P2RX4: variants seen among roughly 807,000 people sequenced by gnomAD.
P2RX4 encodes the protein purinergic receptor P2X 4.
P2RX4 carries 37 observed loss-of-function variants against 48.0 expected under a neutral mutation model. The ratio of observed to expected loss-of-function variants is 0.77; its 90% CI spans 0.59 to 1.01. The LOEUF (loss-of-function observed/expected upper bound fraction) is 1.01, where lower values mean the gene tolerates loss of function less well. P2RX4 is among the 50% of genes least tolerant of loss of function. The probability of loss-of-function intolerance (pLI) is 0.00; values close to 1 mark genes in which losing one functional copy is unlikely to be tolerated. For synonymous variants in P2RX4, 200 were observed against 199.7 expected (o/e 1.00, Z -0.01); for missense variants, 501 against 521.4 (o/e 0.96, Z 0.38).
intron 2 of P2RX4, 128 bp from the exon 3 acceptor site, chr12:121,221,785 C>T: frequency 1.3e-6 from 1 of 752,504 alleles, no homozygotes; most frequent in Non-Finnish European, 2.4e-6. Context: ...GGGTTATAAA[C>T]TTTGATGGGA....
At chr12:121,218,186 C>A (rs1359007479) in intron 2 of P2RX4, among the ~76,000 whole-genome samples, 5 of 152,060 alleles carry the variant, frequency 3.3e-5, no homozygotes, top group African/African-American at 1.2e-4. Context: ...AGCTAATGAG[C>A]CATAAAAGTC....
intron 2 of P2RX4, among the ~76,000 whole-genome samples, chr12:121,220,439 C>A (rs1374164268): frequency 6.6e-6 from 1 of 152,038 alleles, no homozygotes. Context: ...AGTTGGAGAC[C>A]AGCCTAGCCA....
At chr12:121,223,831 T>A (rs182203675) in intron 5 of P2RX4, among the ~76,000 whole-genome samples, 2 of 152,190 alleles carry the variant, frequency 1.3e-5, no homozygotes. Flanking sequence ...TGAGCTGAGA[T>A]GGTGCCACTG....
rs1437174275 is a variant in P2RX4 at position 121,222,107 on chromosome 12, C to T, written c.368C>T (p.Thr123Ile). 2 of 1,613,624 alleles carry T rather than the reference C, an allele frequency of 1.2e-6. No homozygotes were observed. Among genetic ancestry groups the T allele is most frequent in the Non-Finnish European group, 1.7e-6 (2 of 1,179,606 alleles). ...TTCTTTTTCCAGATTCCAGATGCGACCACTGTGTGTAAATCAGATGCCAGC... is the reference window on the plus strand; with the variant it reads ...TTCTTTTTCCAGATTCCAGATGCGATCACTGTGTGTAAATCAGATGCCAGC... The part of the protein sequence containing the change: ...QGLCPEIPDA[T>I]TVCKSDASCT... The change falls in exon 4 of 12, where the codon ACC (threonine) becomes ATC (isoleucine). Residue 123 changes from threonine to isoleucine, a missense_variant. By Grantham distance (89) the Thr-to-Ile change is moderately conservative (BLOSUM62 -1). Transcript: ENST00000337233.
chr12:121,230,842 G>A (rs1298531967), intron 8 of P2RX4, among the ~76,000 whole-genome samples: 1 of 151,896 alleles, frequency 6.6e-6, no homozygotes, highest in East Asian at 1.9e-4. Flanking sequence ...ATGTCTTGAC[G>A]GTTCTTCACC....
In P2RX4 at chr12:121,232,536, T is replaced by TCACTCCCTGCAGGGACAAGGGGC. The variant is rs1339905975; in HGVS notation, c.978+31_979-51dup. On this transcript the variant is annotated intron_variant, in intron 9 of 11. Coordinates refer to ENST00000337233, the MANE Select transcript of P2RX4 (RefSeq NM_002560.3). This position sits in a 1 kb window ranked among gnomAD's most constrained non-coding sequence, Gnocchi z 4.3. ...GCTCGCCGCCACTGGCTCCCCTCCG[T>TCACTCCCTGCAGGGACAAGGGGC]CACTCCCTGCAGGGACAAGGGGCCT... 1 of 1,606,470 alleles carries TCACTCCCTGCAGGGACAAGGGGC rather than the reference T, an allele frequency of 6.2e-7. No homozygotes were observed. The highest frequency in any genetic ancestry group is 8.5e-7 in the Non-Finnish European group (1 of 1,173,152).
chr12:121,230,114 C>T (rs1296634012), intron 8 of P2RX4, among the ~76,000 whole-genome samples: 1 of 152,170 alleles, frequency 6.6e-6, no homozygotes, highest in African/African-American at 2.4e-5. Flanking sequence ...AAAAAGGAAG[C>T]GCTCCAGGCC....
chr12:121,217,042 G>A (rs758079624), intron 1 of P2RX4, 92 bp from the exon 2 acceptor site: 4 of 1,267,754 alleles, frequency 3.2e-6, no homozygotes, highest in South Asian at 1.2e-5. Flanking sequence ...AGTCAACATC[G>A]TACTTCCAGC....
intron 5 of P2RX4, among the ~76,000 whole-genome samples, chr12:121,224,749 G>A (rs1349352958): frequency 6.6e-6 from 1 of 152,120 alleles, no homozygotes; most frequent in African/African-American, 2.4e-5. Flanking sequence ...TCTGAGAAGT[G>A]CGTGCAGCCT....
intron 1 of P2RX4, among the ~76,000 whole-genome samples, chr12:121,212,649 C>G (rs115141838): frequency 0.024 from 3,637 of 149,722 alleles, 149 homozygotes; most frequent in African/African-American, 0.084. Context: ...ATTAGCCAGG[C>G]CTAGTGGCTA....
At chr12:121,218,415 C>T (rs764540137) in intron 2 of P2RX4, among the ~76,000 whole-genome samples, 6 of 151,758 alleles carry the variant, frequency 4.0e-5, no homozygotes, top group Non-Finnish European at 5.9e-5. Flanking sequence ...ACCTGGGAGG[C>T]GGAGGTTGTA....
intron 5 of P2RX4, among the ~76,000 whole-genome samples, chr12:121,226,694 G>T (rs372045586): frequency 4.7e-4 from 72 of 152,290 alleles, no homozygotes; most frequent in African/African-American, 1.6e-3. Context: ...AAAAAGGTGA[G>T]TTGATCTTAA....
rs1885735859 is a variant in P2RX4 at position 121,210,316 on chromosome 12, C to CG, written c.134+24dup. ...GTCATCGGGTGAGCGTGGGGCCGCG[C>CG]GGGGGGCGCGGCGGGTGCTGCCCTC... On this transcript the variant is annotated intron_variant, in intron 1 of 11. Transcript: ENST00000337233. The CG allele has an allele frequency of 8.0e-6, 12 of 1,499,108 alleles. No homozygotes were observed. Among genetic ancestry groups the CG allele is most frequent in the Middle Eastern group, 2.4e-4 (1 of 4,178 alleles). The allele number at this position is 1,499,108 out of a possible 1,614,324, so 92.9% of individuals were successfully genotyped here.
At chr12:121,215,202 G>A (rs974548745) in intron 1 of P2RX4, 3 of 152,138 alleles carry the variant, frequency 2.0e-5, no homozygotes, top group Admixed American at 2.0e-4. Context: ...TACTTGCTCT[G>A]TGACCAACGA....
intron 2 of P2RX4, among the ~76,000 whole-genome samples, chr12:121,221,156 C>CTGTGTGTGTTTGTGTG (rs1491047339): frequency 3.6e-5 from 4 of 112,336 alleles, no homozygotes; most frequent in Admixed American, 2.5e-4. Flanking sequence ...GTGCGTGTGT[C>CTGTGTGTGTTTGTGTG]TGTGTGTGTT....
intron 8 of P2RX4, among the ~76,000 whole-genome samples, chr12:121,231,599 G>A (rs1010306295): frequency 2.0e-5 from 3 of 152,098 alleles, no homozygotes; most frequent in South Asian, 4.1e-4. Context: ...CATCCATGTC[G>A]TAGCCTGTGT....
intron 5 of P2RX4, among the ~76,000 whole-genome samples, chr12:121,225,072 ATT>A (rs34333143): frequency 1.3e-4 from 17 of 133,724 alleles, no homozygotes; most frequent in African/African-American, 1.9e-4. Context: ...ATCAAATTGG[ATT>A]TTTTTTTTTT....
intron 8 of P2RX4, among the ~76,000 whole-genome samples, chr12:121,230,433 G>A (rs1887268265): frequency 6.6e-6 from 1 of 152,210 alleles, no homozygotes; most frequent in Admixed American, 6.5e-5. Context: ...CGCGGTCAGC[G>A]GTGCTTTGGG....
At chr12:121,230,769 T>C (rs1258901307) in intron 8 of P2RX4, among the ~76,000 whole-genome samples, 1 of 152,070 alleles carries the variant, frequency 6.6e-6, no homozygotes, top group East Asian at 1.9e-4. Context: ...AGATAGAGCA[T>C]GGAGCTAGGG....
Sources: allele counts gnomAD v4.1 joint callset (sites outside exome capture counted in the v4.1 genomes callset), GRCh38; gene constraint gnomAD v4.1.1; non-coding constraint Gnocchi (gnomAD v3.1); transcripts MANE v1.5; gene names NCBI Gene and HGNC (gene_info 2026-07-23, HGNC 2026-07-21).